ZNF280C: variants seen among roughly 807,000 people sequenced by gnomAD.
ZNF280C encodes zinc finger protein 280C, also known as suppressor of hairy wing homolog 3.
A neutral mutation model predicts 53.6 loss-of-function variants in ZNF280C; 14 were observed. That is an observed-to-expected ratio of 0.26 (90% CI 0.17 to 0.41). ZNF280C has a LOEUF of 0.41. ZNF280C is among the 10% of genes least tolerant of loss of function. The pLI, the probability that ZNF280C is intolerant of heterozygous loss-of-function variation, is 1.00. For missense variants in ZNF280C, 416 were observed against 547.1 expected, an observed-to-expected ratio of 0.76 and a Z score of 2.39; for synonymous variants, 203 against 181.1, an observed-to-expected ratio of 1.12 and a Z score of -0.97.
chrX:130,211,801 A>G (rs976891036), intron 15 of ZNF280C, among the ~76,000 whole-genome samples: 1 of 112,061 alleles, frequency 8.9e-6, no homozygotes, highest in Non-Finnish European at 1.9e-5. Context: ...AGGTTCTACA[A>G]GACAGTTGGT....
intron 10 of ZNF280C, among the ~76,000 whole-genome samples, chrX:130,228,462 T>C (rs1025173209): frequency 4.6e-5 from 5 of 109,139 alleles, no homozygotes; most frequent in South Asian, 3.9e-4. Flanking sequence ...TTTGTATTTT[T>C]AGTACAGATG....
chrX:130,247,231 C>T (rs1485874634), intron 2 of ZNF280C, among the ~76,000 whole-genome samples: 1 of 111,863 alleles, frequency 8.9e-6, no homozygotes, highest in East Asian at 2.8e-4. Flanking sequence ...GCCTCAGCCT[C>T]CCAAGTAGCT....
Position 130,228,873 on chromosome X carries a change from A to G in ZNF280C, c.1147+104T>C, listed in dbSNP as rs111257511. ...TTTTTCAATTTTGCCCTCATATTACAAAGTCTACTTCTTATTTTTTTCTGC... is the reference window on the plus strand; with the variant it reads ...TTTTTCAATTTTGCCCTCATATTACGAAGTCTACTTCTTATTTTTTTCTGC... On this transcript the variant is annotated intron_variant, in intron 10 of 18. Coordinates refer to ENST00000370978, the MANE Select transcript of ZNF280C (RefSeq NM_017666.5). 1.2e-3 allele frequency: 995 copies of G among 821,676 alleles called. 4 individuals are homozygous for G. The African/African-American group carries it at 0.018, about 15-fold the overall frequency. The allele number at this position is 821,676 out of a possible 1,213,427, so 67.7% of individuals were successfully genotyped here. A position where few individuals can be genotyped will look rare whatever the true frequency, so the allele number is the denominator to read the frequency against.
intron 12 of ZNF280C, among the ~76,000 whole-genome samples, chrX:130,222,733 C>T (rs2032181634): frequency 8.9e-6 from 1 of 112,048 alleles, no homozygotes; most frequent in Admixed American, 9.4e-5. Context: ...GGCACAACCT[C>T]GGCTCACTGC....
intron 8 of ZNF280C, among the ~76,000 whole-genome samples, chrX:130,231,584 G>A (rs1284879283): frequency 9.0e-6 from 1 of 111,479 alleles, no homozygotes; most frequent in Non-Finnish European, 1.9e-5. Context: ...GGGAGGGAGG[G>A]AGGAAGGCAG....
chrX:130,245,131 T>G (rs1000767635), intron 3 of ZNF280C, among the ~76,000 whole-genome samples: 7 of 111,736 alleles, frequency 6.3e-5, no homozygotes, highest in Non-Finnish European at 1.3e-4. Flanking sequence ...AGCTCACAAA[T>G]AAAACATCAA....
intron 15 of ZNF280C, among the ~76,000 whole-genome samples, chrX:130,210,364 T>TA (rs1346272471): frequency 1.8e-5 from 2 of 112,392 alleles, no homozygotes; most frequent in African/African-American, 6.5e-5. Context: ...AGTGTCAAAT[T>TA]AAAGTTTTTT....
In ZNF280C at chrX:130,249,009, G is replaced by C. The variant is rs188928765; in HGVS notation, c.32-2004C>G. On this transcript the variant is annotated intron_variant, in intron 2 of 18. Transcript: ENST00000370978. Reference sequence around the variant, plus strand: ...TGTAGTCGGAGCCTTGGTGAGCACAGAGCCCGCAAGACCTGTGCCCACCAG... The same window carrying C: ...TGTAGTCGGAGCCTTGGTGAGCACACAGCCCGCAAGACCTGTGCCCACCAG... Among the ~76,000 whole-genome samples, 501 of 111,673 alleles carry C rather than the reference G, an allele frequency of 4.5e-3. 1 individual carries two copies. The highest frequency in any genetic ancestry group is 7.2e-3 in the Non-Finnish European group (383 of 53,032).
At chrX:130,250,600 A>G (rs1189963832) in intron 2 of ZNF280C, among the ~76,000 whole-genome samples, 1 of 112,018 alleles carries the variant, frequency 8.9e-6, no homozygotes, top group Non-Finnish European at 1.9e-5. Context: ...GAAGCCCTGA[A>G]TAGAATAATA....
At chrX:130,263,730 T>A (rs915137286) in intron 1 of ZNF280C, among the ~76,000 whole-genome samples, 1 of 111,267 alleles carries the variant, frequency 9.0e-6, no homozygotes, top group Non-Finnish European at 1.9e-5. Context: ...AATAATGCCA[T>A]TAAGAAAATA....
intron 2 of ZNF280C, among the ~76,000 whole-genome samples, chrX:130,252,352 G>A (rs1270488263): frequency 9.0e-6 from 1 of 111,121 alleles, no homozygotes; most frequent in Non-Finnish European, 1.9e-5. Flanking sequence ...CAGAACTAAG[G>A]ACAAAAACTA....
chrX:130,237,562 T>C (rs1029204952), intron 6 of ZNF280C, among the ~76,000 whole-genome samples: 1 of 111,388 alleles, frequency 9.0e-6, no homozygotes, highest in African/African-American at 3.3e-5. Context: ...GAAAATAATA[T>C]ACGATTGTAC....
At chrX:130,266,369 G>A in intron 1 of ZNF280C, among the ~76,000 whole-genome samples, 1 of 111,583 alleles carries the variant, frequency 9.0e-6, no homozygotes, top group East Asian at 2.8e-4. Flanking sequence ...GGGAAAAGAT[G>A]TTGATCCAAG....
chrX:130,247,177 C>T (rs1443975744), intron 2 of ZNF280C, among the ~76,000 whole-genome samples, 172 bp from the exon 3 acceptor site: 2 of 112,257 alleles, frequency 1.8e-5, no homozygotes, highest in East Asian at 5.6e-4. Context: ...GGCGTGATCT[C>T]GGCTCACTGC....
intron 3 of ZNF280C, among the ~76,000 whole-genome samples, chrX:130,244,521 T>C (rs2032427761): frequency 9.0e-6 from 1 of 111,362 alleles, no homozygotes; most frequent in Non-Finnish European, 1.9e-5. Context: ...CTCACACCTG[T>C]AATCCCAGCA....
chrX:130,228,433 G>A (rs897969664), intron 10 of ZNF280C, among the ~76,000 whole-genome samples: 6 of 108,492 alleles, frequency 5.5e-5, no homozygotes, highest in African/African-American at 1.0e-4. Context: ...ACAGGCGTGC[G>A]CCACCTTGCC....
chrX:130,213,806 C>CA (rs1363489832), intron 15 of ZNF280C, among the ~76,000 whole-genome samples: 7 of 111,757 alleles, frequency 6.3e-5, no homozygotes, highest in Non-Finnish European at 1.3e-4. Context: ...ATCATAAGGT[C>CA]AGGCTGACCA....
At chrX:130,232,988 T>C (rs1426845677) in intron 8 of ZNF280C, among the ~76,000 whole-genome samples, 3 of 111,424 alleles carry the variant, frequency 2.7e-5, no homozygotes, top group African/African-American at 9.8e-5. Flanking sequence ...GGTATATATA[T>C]ATACACACAC....
At position 130,243,558 on chromosome X, in the gene ZNF280C, C is replaced by T; in HGVS notation, c.381+5G>A. 1 of 1,202,420 alleles carries T rather than the reference C, an allele frequency of 8.3e-7. No individual in the cohort carries two copies. Among genetic ancestry groups the T allele is most frequent in the Non-Finnish European group, 1.1e-6 (1 of 890,885 alleles). ...AATTAATTGTGTAATTTTATAAACA[C>T]TTACAGGTTTAGACGCATTCTCAAC... On this transcript the variant is annotated splice_donor_5th_base_variant and intron_variant, in intron 5 of 18. Coordinates refer to ENST00000370978, the MANE Select transcript of ZNF280C (RefSeq NM_017666.5).
Sources: allele counts gnomAD v4.1 joint callset (sites outside exome capture counted in the v4.1 genomes callset), GRCh38; gene constraint gnomAD v4.1.1; transcripts MANE v1.5; gene names NCBI Gene and HGNC (gene_info 2026-07-23, HGNC 2026-07-21).